The following GRM8 variants were observed in gnomAD, a reference collection of about 807,000 sequenced individuals.
GRM8 encodes the protein metabotropic glutamate receptor 8.
GRM8 carries 47 observed loss-of-function variants against 87.2 expected under a neutral mutation model. The observed-to-expected ratio is 0.54, with a 90% CI of 0.43 to 0.69. The LOEUF is 0.69. Among genes scored for constraint, GRM8 ranks in the 30% least tolerant of loss-of-function variants. The pLI is 0.00. For synonymous variants in GRM8, 396 were observed against 404.5 expected, an observed-to-expected ratio of 0.98 and a Z score of 0.25; for missense variants, 1,019 against 1,139.2, an observed-to-expected ratio of 0.89 and a Z score of 1.52.
chr7:126,847,354 G>T (rs1464384509), intron 6 of GRM8, among the ~76,000 whole-genome samples: 3 of 152,190 alleles, frequency 2.0e-5, no homozygotes, highest in African/African-American at 7.2e-5. Context: ...TAAAAAGTGA[G>T]AAGTGACAAG....
intron 8 of GRM8, among the ~76,000 whole-genome samples, chr7:126,547,477 T>C (rs1817285021): frequency 1.3e-5 from 2 of 151,852 alleles, no homozygotes; most frequent in South Asian, 4.1e-4. Flanking sequence ...TGATACATTA[T>C]CATTCATTAT....
chr7:126,683,223 A>T (rs1369036046), intron 7 of GRM8, among the ~76,000 whole-genome samples: 2 of 152,188 alleles, frequency 1.3e-5, no homozygotes, highest in East Asian at 3.9e-4. Flanking sequence ...CCCCACCCTA[A>T]CATAATTGAA....
intron 2 of GRM8, among the ~76,000 whole-genome samples, chr7:127,160,621 A>T (rs1793047416): frequency 6.6e-6 from 1 of 152,116 alleles, no homozygotes. Flanking sequence ...ATCTGGAAAG[A>T]GGCGAACTTA....
intron 6 of GRM8, among the ~76,000 whole-genome samples, chr7:126,776,340 G>A (rs1376957280): frequency 2.0e-5 from 3 of 152,062 alleles, no homozygotes; most frequent in African/African-American, 4.8e-5. Context: ...AAATATGGCA[G>A]TAAATGTCAG....
At chr7:127,247,689 G>A (rs1290678671) in intron 1 of GRM8, among the ~76,000 whole-genome samples, 1 of 152,122 alleles carries the variant, frequency 6.6e-6, no homozygotes, top group East Asian at 1.9e-4. Context: ...CACTGAACAT[G>A]TCCCCTCACC....
intron 6 of GRM8, among the ~76,000 whole-genome samples, chr7:126,836,847 A>G (rs1481763855): frequency 2.6e-5 from 4 of 152,230 alleles, no homozygotes; most frequent in African/African-American, 9.6e-5. Flanking sequence ...AGTCTTATAC[A>G]TGGTAACTAG....
At chr7:127,069,358 T>C (rs1821454375) in intron 3 of GRM8, among the ~76,000 whole-genome samples, 1 of 152,030 alleles carries the variant, frequency 6.6e-6, no homozygotes, top group Non-Finnish European at 1.5e-5. Flanking sequence ...GAGATGGAGT[T>C]TTGCCATGTT....
At chr7:127,053,787 C>CA (rs201005387) in intron 3 of GRM8, among the ~76,000 whole-genome samples, 20 of 42,232 alleles carry the variant, frequency 4.7e-4, no homozygotes, top group South Asian at 1.3e-3. Context: ...GACTCTGTCT[C>CA]AAAAAAAAAA....
chr7:126,610,472 A>G (rs1798811293), intron 7 of GRM8, among the ~76,000 whole-genome samples: 1 of 151,982 alleles, frequency 6.6e-6, no homozygotes, highest in Non-Finnish European at 1.5e-5. Flanking sequence ...CTCACAGGAT[A>G]TTGGATTTAA....
intron 2 of GRM8, chr7:127,111,215 C>T (rs1826316280): frequency 6.6e-6 from 1 of 152,202 alleles, no homozygotes; most frequent in Admixed American, 6.5e-5. Context: ...AAGCTAATTA[C>T]TTAATCTACA....
intron 3 of GRM8, among the ~76,000 whole-genome samples, chr7:126,989,380 A>G (rs1175999320): frequency 6.6e-6 from 1 of 152,198 alleles, no homozygotes; most frequent in Non-Finnish European, 1.5e-5. Flanking sequence ...CTCTGCTTCA[A>G]AGCTTGCCAG....
intron 7 of GRM8, among the ~76,000 whole-genome samples, chr7:126,653,340 T>TA (rs1400394047): frequency 6.7e-6 from 1 of 148,510 alleles, no homozygotes; most frequent in Non-Finnish European, 1.5e-5. Flanking sequence ...TGATCCTTAC[T>TA]AAAACAGGCA....
At chr7:127,236,976 G>A (rs1273663380) in intron 2 of GRM8, among the ~76,000 whole-genome samples, 1 of 152,158 alleles carries the variant, frequency 6.6e-6, no homozygotes, top group Non-Finnish European at 1.5e-5. Flanking sequence ...ATTAAGGAGA[G>A]GAAGCACAAG....
At chr7:127,044,624 C>G (rs1346333751) in intron 3 of GRM8, among the ~76,000 whole-genome samples, 1 of 151,942 alleles carries the variant, frequency 6.6e-6, no homozygotes, top group Non-Finnish European at 1.5e-5. Flanking sequence ...ACTTCAAATC[C>G]CTCCATGTCA....
intron 3 of GRM8, among the ~76,000 whole-genome samples, chr7:126,988,512 CA>C (rs994340673): frequency 6.6e-6 from 1 of 152,198 alleles, no homozygotes; most frequent in African/African-American, 2.4e-5. Flanking sequence ...TTTCATTCAG[CA>C]GCATTTGCTT....
Position 127,143,532 on chromosome 7 carries a change from C to T in GRM8, c.511-36820G>A, listed in dbSNP as rs2133279418. The stretch of plus-strand genomic sequence containing the variant: ...CCATCATTGCAGGCTATGTGCTTTA[C>T]CTTTAATCTTCATGACGACCCTGTG... On this transcript the variant is annotated intron_variant, in intron 2 of 10. Transcript: ENST00000339582. Among the ~76,000 whole-genome samples the T allele has an allele frequency of 1.3e-5, 2 of 152,200 alleles. 1 individual carries two copies. Among genetic ancestry groups the T allele is most frequent in the African/African-American group, 4.8e-5 (2 of 41,544 alleles).
intron 6 of GRM8, among the ~76,000 whole-genome samples, chr7:126,899,017 TAA>T (rs376097799): frequency 8.8e-5 from 12 of 135,852 alleles, no homozygotes; most frequent in Admixed American, 3.0e-4. Context: ...CTTACGAGTG[TAA>T]AAAAAAAAAA....
At chr7:127,140,231 A>G (rs17865641) in intron 2 of GRM8, among the ~76,000 whole-genome samples, 4 of 152,108 alleles carry the variant, frequency 2.6e-5, no homozygotes, top group Non-Finnish European at 1.5e-5. Context: ...GTGAAGGGCC[A>G]TCCTGTGCAT....
intron 2 of GRM8, among the ~76,000 whole-genome samples, chr7:127,119,319 C>G (rs1826890380): frequency 6.6e-6 from 1 of 152,026 alleles, no homozygotes; most frequent in South Asian, 2.1e-4. Context: ...AACCCCATCT[C>G]TACTAAAAAT....
Sources: gnomAD v4.1 joint callset for allele counts (sites outside exome capture counted in the v4.1 genomes callset) on GRCh38, gnomAD v4.1.1 for gene constraint, MANE v1.5 for transcripts, NCBI Gene and HGNC (gene_info 2026-07-23, HGNC 2026-07-21) for gene names.